The following PRKN variants were observed in gnomAD, a reference collection of about 807,000 sequenced individuals.
PRKN encodes the protein parkin RBR E3 ubiquitin protein ligase.
In PRKN, 56 loss-of-function variants were observed where a neutral mutation model predicts 59.5. That is an observed-to-expected ratio of 0.94 (90% CI 0.76 to 1.18). The LOEUF (loss-of-function observed/expected upper bound fraction) is 1.18. Among genes scored for constraint, PRKN ranks in the 50% most tolerant of loss-of-function variants. The pLI is 0.00. For synonymous variants in PRKN, 250 were observed against 222.1 expected (o/e 1.13, Z -1.12); for missense variants, 657 against 596.4 (o/e 1.10, Z -1.06).
chr6:161,367,206 C>T (rs148912101), intron 10 of PRKN, among the ~76,000 whole-genome samples: 2,141 of 151,982 alleles, frequency 0.014, 45 homozygotes, highest in African/African-American at 0.049. Flanking sequence ...TGGTCTCGAT[C>T]TCCTGACCTT....
rs73593416 is a variant in PRKN, at chr6:161,533,382, C to G, written c.1083+15472G>C. On this transcript the variant is annotated intron_variant, in intron 9 of 11. Transcript: ENST00000366898. The surrounding 1 kb of genome is among the most constrained non-coding windows in gnomAD (Gnocchi z 4.1). ...AAGAGCAGCCTGTAAAATCGACCTG[C>G]AGACACAAACAAGCATGCTGGAAGC... Among the ~76,000 whole-genome samples the G allele has an allele frequency of 0.017, 2,653 of 152,226 alleles. 72 individuals are homozygous for G. Among genetic ancestry groups the G allele is most frequent in the African/African-American group, 0.061 (2,533 of 41,512 alleles).
At chr6:161,539,118 A>T (rs535147914) in intron 9 of PRKN, among the ~76,000 whole-genome samples, 1 of 152,248 alleles carries the variant, frequency 6.6e-6, no homozygotes, top group Non-Finnish European at 1.5e-5. Context: ...TAGGAAGTTG[A>T]TTGCTAGAAT....
chr6:162,271,227 A>T (rs1214535471), intron 2 of PRKN, among the ~76,000 whole-genome samples: 1 of 152,060 alleles, frequency 6.6e-6, no homozygotes, highest in Non-Finnish European at 1.5e-5. Context: ...TGCCAAGAAA[A>T]GACAAAACGG....
intron 7 of PRKN, among the ~76,000 whole-genome samples, chr6:161,708,781 C>G (rs1786619310): frequency 6.6e-6 from 1 of 152,140 alleles, no homozygotes; most frequent in Non-Finnish European, 1.5e-5. Context: ...CCCAGGTTGC[C>G]TGTAAGCAGT....
chr6:162,177,410 A>G (rs1169950398), intron 4 of PRKN, among the ~76,000 whole-genome samples: 2 of 152,162 alleles, frequency 1.3e-5, no homozygotes, highest in Non-Finnish European at 2.9e-5. Flanking sequence ...TTTCTACCTC[A>G]CCTTTTTTAT....
chr6:162,286,999 C>T (rs1781219847), intron 2 of PRKN, among the ~76,000 whole-genome samples: 1 of 152,158 alleles, frequency 6.6e-6, no homozygotes. Flanking sequence ...CTAAATTTTG[C>T]TTCATTCTAT....
chr6:161,434,469 C>T (rs945921591), intron 9 of PRKN, among the ~76,000 whole-genome samples: 4 of 152,150 alleles, frequency 2.6e-5, no homozygotes, highest in Non-Finnish European at 4.4e-5. Flanking sequence ...AAGCCAGAGC[C>T]GCCCAAGCTT....
rs1458891142 is a variant in PRKN, at chr6:161,460,582, C to T, written c.1084-73705G>A. On this transcript the variant is annotated intron_variant, in intron 9 of 11. Transcript: ENST00000366898. The surrounding 1 kb of genome is among the most constrained non-coding windows in gnomAD (Gnocchi z 5.0). ...ATGCTGGGGTAGAAGCCCCAGGTGC[C>T]ACATGTGCTGGCAGGAGTTCCGGGG... is the stretch of plus-strand genomic sequence containing the variant. Among the ~76,000 whole-genome samples, 2 of 152,000 alleles carry T rather than the reference C, an allele frequency of 1.3e-5. No individual in the cohort carries two copies. The highest frequency in any genetic ancestry group is 2.9e-5 in the Non-Finnish European group (2 of 67,992).
chr6:161,662,963 C>T (rs975778222), intron 7 of PRKN, among the ~76,000 whole-genome samples: 9 of 152,100 alleles, frequency 5.9e-5, no homozygotes, highest in Non-Finnish European at 1.0e-4. Context: ...GGAAGAAATC[C>T]GGTAGGAGGT....
chr6:162,001,847 C>CT (rs35789599), intron 5 of PRKN, among the ~76,000 whole-genome samples: 7,316 of 116,546 alleles, frequency 0.063, 779 homozygotes, highest in African/African-American at 0.22. Context: ...TTGCAAATAG[C>CT]TTTTTTTTTT....
At chr6:162,290,402 AAC>A (rs1781377209) in intron 2 of PRKN, among the ~76,000 whole-genome samples, 1 of 152,238 alleles carries the variant, frequency 6.6e-6, no homozygotes, top group African/African-American at 2.4e-5. Flanking sequence ...AAATAAATCT[AAC>A]ACAAAATATC....
intron 1 of PRKN, chr6:162,569,185 A>G (rs570758326): frequency 2.9e-5 from 17 of 578,132 alleles, no homozygotes; most frequent in Non-Finnish European, 4.5e-5. Flanking sequence ...CTGCAGATGC[A>G]AAGACTGAGA....
intron 3 of PRKN, among the ~76,000 whole-genome samples, chr6:162,254,784 C>T (rs9365394): frequency 0.031 from 4,792 of 152,146 alleles, 93 homozygotes; most frequent in East Asian, 0.061. Flanking sequence ...ACACACTCAT[C>T]GCCAAAGGGT....
At chr6:162,665,266 T>C (rs912528977) in intron 1 of PRKN, among the ~76,000 whole-genome samples, 2 of 152,122 alleles carry the variant, frequency 1.3e-5, no homozygotes, top group Non-Finnish European at 2.9e-5. Context: ...GATGACATGA[T>C]TTTATATTTA....
intron 2 of PRKN, among the ~76,000 whole-genome samples, chr6:162,380,483 G>GTATATA (rs1309288812): frequency 3.3e-5 from 1 of 29,854 alleles, no homozygotes; most frequent in Non-Finnish European, 8.1e-5. Flanking sequence ...GTATATATAT[G>GTATATA]TATATATACA....
At chr6:161,647,943 G>A (rs1241427535) in intron 7 of PRKN, among the ~76,000 whole-genome samples, 1 of 152,210 alleles carries the variant, frequency 6.6e-6, no homozygotes, top group South Asian at 2.1e-4. Context: ...TACGGTATGA[G>A]ATTTGCTGGA....
At chr6:162,664,288 T>C (rs1779012168) in intron 1 of PRKN, among the ~76,000 whole-genome samples, 1 of 152,220 alleles carries the variant, frequency 6.6e-6, no homozygotes, top group Non-Finnish European at 1.5e-5. Flanking sequence ...TTATCCAGTC[T>C]ATCACTGATA....
intron 5 of PRKN, among the ~76,000 whole-genome samples, chr6:161,997,391 A>G (rs1781887967): frequency 1.3e-5 from 2 of 152,074 alleles, no homozygotes; most frequent in African/African-American, 4.8e-5. Flanking sequence ...ACTTGATCTA[A>G]GCCATTCCAC....
In PRKN at chr6:161,402,911, C is replaced by T. The variant is rs147585195; in HGVS notation, c.1084-16034G>A. 6.5e-4 allele frequency among the ~76,000 whole-genome samples: 99 copies of T among 152,254 alleles called. No individual in the cohort carries two copies. The highest frequency in any genetic ancestry group is 2.2e-3 in the African/African-American group (90 of 41,532). On this transcript the variant is annotated intron_variant, in intron 9 of 11. Transcript: ENST00000366898. The surrounding 1 kb of genome is among the most constrained non-coding windows in gnomAD (Gnocchi z 4.5). Reference sequence around the variant, plus strand: ...ATGGTGTCCACGTACTCATCTTCCCCGGCTGACACAATTCCCTGGGAGGGG... The same window carrying T: ...ATGGTGTCCACGTACTCATCTTCCCTGGCTGACACAATTCCCTGGGAGGGG...
Sources: allele counts gnomAD v4.1 joint callset (sites outside exome capture counted in the v4.1 genomes callset), GRCh38; gene constraint gnomAD v4.1.1; non-coding constraint Gnocchi (gnomAD v3.1); transcripts MANE v1.5; gene names NCBI Gene and HGNC (gene_info 2026-07-23, HGNC 2026-07-21).